The following OOEP variants were observed in gnomAD, a reference collection of about 807,000 sequenced individuals.
OOEP encodes oocyte expressed protein.
Under a neutral mutation model 13.7 loss-of-function variants are expected in OOEP, and 16 were observed. The ratio of observed to expected loss-of-function variants is 1.16; its 90% CI spans 0.79 to 1.77. OOEP has a LOEUF of 1.77. OOEP is among the 40% of genes most tolerant of loss of function. OOEP has a pLI of 0.00. For synonymous variants in OOEP, 89 were observed against 77.1 expected, an observed-to-expected ratio of 1.15 and a Z score of -0.81; for missense variants, 195 against 193.1, an observed-to-expected ratio of 1.01 and a Z score of -0.06.
At chr6:73,390,133 C>T (rs143598708) in intron 2 of OOEP, among the ~76,000 whole-genome samples, 1 of 152,118 alleles carries the variant, frequency 6.6e-6, no homozygotes, top group African/African-American at 2.4e-5. Context: ...GAGCCCAGAT[C>T]CCGCCACTGC....
In OOEP at chr6:73,369,531, T is replaced by C. The variant is rs141110577; in HGVS notation, c.190+72A>G. On this transcript the variant is annotated intron_variant, in intron 1 of 2. Coordinates refer to ENST00000370359, the MANE Select transcript of OOEP (RefSeq NM_001080507.3). ...GCTTGCGAATCTGGGAAAGAGACTG[T>C]AGAGAGCTGCTCTGCCAAGCCTCTC... The C allele has an allele frequency of 1.1e-3, 1,703 of 1,533,174 alleles. 13 individuals carry two copies. In the African/African-American group the frequency reaches 0.02, roughly 18 times the overall value. 95.0% of individuals were successfully genotyped at this position (1,533,174 alleles called of 1,614,324 possible). A position where few individuals can be genotyped will look rare whatever the true frequency, so the allele number is the denominator to read the frequency against.
At chr6:73,381,527 TTTGCCAAAAACTGCAGTGTTCCAGTA>T (rs1334348991) in intron 2 of OOEP, among the ~76,000 whole-genome samples, 1 of 152,170 alleles carries the variant, frequency 6.6e-6, no homozygotes, top group Non-Finnish European at 1.5e-5. Flanking sequence ...TAGTCCTCAC[TTTGCCAAAAACTGCAGTGTTCCAGTA>T]AAGCAGGAAC....
intron 2 of OOEP, among the ~76,000 whole-genome samples, chr6:73,381,672 T>TG (rs1314199606): frequency 2.0e-5 from 3 of 151,776 alleles, no homozygotes; most frequent in Non-Finnish European, 4.4e-5. Context: ...TGGGCCGGCG[T>TG]GGGGGGACAA....
intron 2 of OOEP, among the ~76,000 whole-genome samples, chr6:73,378,104 T>A (rs1046956331): frequency 1.8e-5 from 2 of 110,158 alleles, no homozygotes; most frequent in Non-Finnish European, 4.3e-5. Context: ...CTTCTTCTAT[T>A]TTTTTTTCTT....
chr6:73,369,114 T>G, intron 2 of OOEP, 92 bp downstream of exon 2: 93 of 1,361,634 alleles, frequency 6.8e-5, no homozygotes, highest in Non-Finnish European at 8.7e-5. Context: ...CAAGAAATTT[T>G]GAGAAGGTTA....
exon 1 of OOEP, chr6:73,394,872 G>A (rs776751144): frequency 6.8e-6 from 11 of 1,608,380 alleles, no homozygotes; most frequent in South Asian, 1.1e-5. Flanking sequence ...AGAGCTGGAC[G>A]GCAACGACGT....
chr6:73,388,980 C>T (rs488114), intron 2 of OOEP, among the ~76,000 whole-genome samples: 13,257 of 152,134 alleles, frequency 0.087, 777 homozygotes, highest in Non-Finnish European at 0.13. Flanking sequence ...GCCAAACCCA[C>T]ATTGGGGGTA....
intron 2 of OOEP, among the ~76,000 whole-genome samples, chr6:73,392,098 C>G (rs1769354669): frequency 6.6e-6 from 1 of 152,128 alleles, no homozygotes; most frequent in Middle Eastern, 3.2e-3. Flanking sequence ...TTCTATGAGG[C>G]CAGCATTACC....
chr6:73,372,271 T>A (rs1769069322), upstream of OOEP, among the ~76,000 whole-genome samples: 1 of 152,174 alleles, frequency 6.6e-6, no homozygotes, highest in African/African-American at 2.4e-5. Context: ...CAAATTCCAC[T>A]TCCTGGTGTG....
chr6:73,386,240 A>G (rs1769270939), intron 2 of OOEP, among the ~76,000 whole-genome samples: 2 of 151,990 alleles, frequency 1.3e-5, no homozygotes, highest in South Asian at 4.1e-4. Flanking sequence ...GATTACAGGC[A>G]TGTGCCACCA....
chr6:73,383,199 C>T (rs1454314925), intron 2 of OOEP, among the ~76,000 whole-genome samples: 1 of 152,014 alleles, frequency 6.6e-6, no homozygotes, highest in Admixed American at 6.6e-5. Context: ...TTCTTAGGGC[C>T]GGTAACACTA....
intron 2 of OOEP, among the ~76,000 whole-genome samples, chr6:73,376,652 T>C (rs916906301): frequency 6.6e-6 from 1 of 151,382 alleles, no homozygotes; most frequent in Non-Finnish European, 1.5e-5. Flanking sequence ...TTTGTGGTTT[T>C]TGTTTGTTTG....
At chr6:73,393,440 A>C (rs1208115036) in intron 2 of OOEP, among the ~76,000 whole-genome samples, 1 of 152,216 alleles carries the variant, frequency 6.6e-6, no homozygotes, top group Non-Finnish European at 1.5e-5. Flanking sequence ...AAAGGAGTGC[A>C]CTTGCAGCTG....
Position 73,369,653 on chromosome 6 carries a change from C to T in OOEP, c.140G>A (p.Arg47Lys). The T allele has an allele frequency of 1.2e-6, 2 of 1,614,060 alleles. No homozygotes were observed. Among genetic ancestry groups the T allele is most frequent in the South Asian group, 2.2e-5 (2 of 91,086 alleles). The change falls in exon 1 of 3, where the codon AGA becomes AAA. Residue 47 changes from arginine (R) to lysine (K), a missense_variant. Coordinates refer to ENST00000370359, the MANE Select transcript of OOEP (RefSeq NM_001080507.3). ...CTCTAGGTAGAACACCAAAGGGTCT[C>T]TCAGTTCCTGCACCGGAAACCACCA... is the stretch of plus-strand genomic sequence containing the variant. ...RPWWFPVQEL[R>K]DPLVFYLEAW...
At chr6:73,373,389 A>G (rs1411800353), upstream of OOEP, 2 of 942,876 alleles carry the variant, frequency 2.1e-6, no homozygotes, top group Non-Finnish European at 3.4e-6. Context: ...CAGTGGCACG[A>G]TCTCAGCTCA....
At chr6:73,392,011 A>G (rs1156697294) in intron 2 of OOEP, among the ~76,000 whole-genome samples, 2 of 152,108 alleles carry the variant, frequency 1.3e-5, no homozygotes, top group Non-Finnish European at 2.9e-5. Context: ...GTGAAGGTTC[A>G]CTCTCAGTGT....
At chr6:73,370,866 C>T (rs984446702), upstream of OOEP, among the ~76,000 whole-genome samples, 2 of 152,152 alleles carry the variant, frequency 1.3e-5, no homozygotes, top group Admixed American at 1.3e-4. Flanking sequence ...ACTGAAGCCT[C>T]GACCTCCCAG....
chr6:73,378,225 C>A (rs1264176246), intron 2 of OOEP, among the ~76,000 whole-genome samples: 2 of 151,988 alleles, frequency 1.3e-5, no homozygotes, highest in Non-Finnish European at 2.9e-5. Flanking sequence ...ACCTCAGCCT[C>A]TAGAGTAGCT....
intron 2 of OOEP, among the ~76,000 whole-genome samples, chr6:73,393,642 T>C (rs575691262): frequency 6.6e-6 from 1 of 151,956 alleles, no homozygotes; most frequent in African/African-American, 2.4e-5. Flanking sequence ...CCGGGCAACA[T>C]AGGGAGGTCT....
Sources: allele counts gnomAD v4.1 joint callset (sites outside exome capture counted in the v4.1 genomes callset), GRCh38; gene constraint gnomAD v4.1.1; transcripts MANE v1.5; gene names NCBI Gene and HGNC (gene_info 2026-07-23, HGNC 2026-07-21).